MTUS2: variants seen among roughly 807,000 people sequenced by gnomAD.
MTUS2 encodes the protein microtubule associated scaffold protein 2.
MTUS2 carries 40 observed loss-of-function variants against 114.1 expected under a neutral mutation model. The ratio of observed to expected loss-of-function variants is 0.35; its 90% CI spans 0.27 to 0.46. MTUS2 has a LOEUF of 0.46. MTUS2 is among the 20% of genes least tolerant of loss of function. The pLI is 1.00. For synonymous variants in MTUS2, 688 were observed against 672.0 expected, an observed-to-expected ratio of 1.02 and a Z score of -0.37; for missense variants, 1,679 against 1,705.4, an observed-to-expected ratio of 0.98 and a Z score of 0.27.
chr13:29,286,790 A>C (rs181916886), intron 6 of MTUS2, among the ~76,000 whole-genome samples: 6 of 152,214 alleles, frequency 3.9e-5, no homozygotes, highest in African/African-American at 9.6e-5. Context: ...TCCTAGGTTC[A>C]AGTGATTCTC....
intron 4 of MTUS2, among the ~76,000 whole-genome samples, chr13:29,039,321 G>A (rs1887235663): frequency 6.6e-6 from 1 of 152,242 alleles, no homozygotes; most frequent in Non-Finnish European, 1.5e-5. Context: ...CGAAGTCTGC[G>A]GCTGGGGCCA....
At chr13:29,311,183 C>T (rs1268245464) in intron 6 of MTUS2, among the ~76,000 whole-genome samples, 1 of 152,186 alleles carries the variant, frequency 6.6e-6, no homozygotes, top group Non-Finnish European at 1.5e-5. Flanking sequence ...GATATTGTTA[C>T]CGCCACAGGT....
chr13:28,844,435 G>A (rs1028068096), intron 2 of MTUS2, among the ~76,000 whole-genome samples: 7 of 152,110 alleles, frequency 4.6e-5, no homozygotes, highest in Non-Finnish European at 8.8e-5. Context: ...GTGCGTGTGT[G>A]TGTATTTAAT....
At chr13:29,234,974 A>T (rs1198885960) in intron 5 of MTUS2, among the ~76,000 whole-genome samples, 2 of 152,174 alleles carry the variant, frequency 1.3e-5, no homozygotes, top group Non-Finnish European at 2.9e-5. Flanking sequence ...TCAAGCTGTC[A>T]GTTGATCATT....
chr13:29,441,434 T>C (rs1227289370), intron 9 of MTUS2, among the ~76,000 whole-genome samples: 3 of 152,154 alleles, frequency 2.0e-5, no homozygotes, highest in Non-Finnish European at 2.9e-5. Flanking sequence ...TTGAGCCTAA[T>C]TTCTATTTGT....
intron 6 of MTUS2, among the ~76,000 whole-genome samples, chr13:29,306,108 C>T (rs544498879): frequency 3.7e-4 from 57 of 152,264 alleles, no homozygotes; most frequent in African/African-American, 1.0e-3. Context: ...TAAAAACTCT[C>T]GATAAACTAG....
At chr13:29,101,700 G>T (rs1890426675) in intron 5 of MTUS2, among the ~76,000 whole-genome samples, 1 of 152,214 alleles carries the variant, frequency 6.6e-6, no homozygotes, top group African/African-American at 2.4e-5. Context: ...TGACATCTCA[G>T]ATGTTGTTTT....
At chr13:29,391,931 T>A (rs1238966631) in intron 8 of MTUS2, among the ~76,000 whole-genome samples, 1 of 151,852 alleles carries the variant, frequency 6.6e-6, no homozygotes, top group Non-Finnish European at 1.5e-5. Context: ...GGTCAGGAAT[T>A]TGAGACCAGC....
Position 29,505,475 on chromosome 13 carries a change from T to A in MTUS2, c.*2269T>A. 4.3e-6 allele frequency: 1 copy of A among 230,872 alleles called. No homozygotes were observed. The highest frequency in any genetic ancestry group is 8.6e-6 in the Non-Finnish European group (1 of 116,394). 14.3% of individuals were successfully genotyped at this position (230,872 alleles called of 1,614,324 possible). ...TCGTGGTTTGTTTGTTTTTTTTCTT[T>A]TGTTACGGACACCCATCATGTATGG... On this transcript the variant is annotated 3_prime_UTR_variant, in exon 16 of 16. Coordinates refer to ENST00000612955, the MANE Select transcript of MTUS2 (RefSeq NM_001033602.4).
intron 5 of MTUS2, among the ~76,000 whole-genome samples, chr13:29,236,583 T>G (rs976613809): frequency 6.6e-6 from 1 of 152,216 alleles, no homozygotes; most frequent in African/African-American, 2.4e-5. Context: ...CCAAATCCAA[T>G]TCAGTATTAG....
chr13:28,998,270 C>T (rs113274312), intron 2 of MTUS2, among the ~76,000 whole-genome samples: 15 of 152,176 alleles, frequency 9.9e-5, no homozygotes, highest in African/African-American at 3.1e-4. Context: ...GCTGTTAGTC[C>T]GATGGGCTTC....
intron 6 of MTUS2, among the ~76,000 whole-genome samples, chr13:29,283,956 A>AT (rs1898375340): frequency 6.6e-6 from 1 of 152,182 alleles, no homozygotes; most frequent in Non-Finnish European, 1.5e-5. Context: ...ATTCTCATAC[A>AT]TTTTTGGTGG....
intron 2 of MTUS2, among the ~76,000 whole-genome samples, chr13:29,022,958 T>C (rs1332710146): frequency 6.6e-6 from 1 of 152,230 alleles, no homozygotes; most frequent in Non-Finnish European, 1.5e-5. Flanking sequence ...TGCCAGGTAT[T>C]AGACAATATT....
intron 6 of MTUS2, among the ~76,000 whole-genome samples, chr13:29,293,681 T>G (rs1422543046): frequency 6.6e-6 from 1 of 152,098 alleles, no homozygotes; most frequent in Non-Finnish European, 1.5e-5. Context: ...GGAAACAATC[T>G]AAATATCTGT....
intron 2 of MTUS2, among the ~76,000 whole-genome samples, chr13:29,024,090 C>T (rs900598704): frequency 2.5e-4 from 38 of 152,140 alleles, no homozygotes; most frequent in Non-Finnish European, 4.4e-4. Context: ...ATGAATGTAG[C>T]GATTGCAAAA....
intron 9 of MTUS2, among the ~76,000 whole-genome samples, chr13:29,467,733 A>G (rs1432973119): frequency 6.6e-6 from 1 of 152,202 alleles, no homozygotes; most frequent in South Asian, 2.1e-4. Flanking sequence ...CTCCTCTCAG[A>G]CCAAGAAGGT....
intron 5 of MTUS2, among the ~76,000 whole-genome samples, chr13:29,103,800 C>A (rs1420925123): frequency 1.3e-5 from 2 of 152,192 alleles, no homozygotes; most frequent in Non-Finnish European, 2.9e-5. Flanking sequence ...TTATGTGGTG[C>A]ATATGGTATT....
intron 2 of MTUS2, among the ~76,000 whole-genome samples, chr13:28,844,093 G>T (rs1187870894): frequency 6.6e-6 from 1 of 152,154 alleles, no homozygotes; most frequent in African/African-American, 2.4e-5. Context: ...TTGCTTCAAT[G>T]TGCACATTCT....
intron 2 of MTUS2, among the ~76,000 whole-genome samples, chr13:28,953,691 A>G (rs1882921019): frequency 6.6e-6 from 1 of 152,210 alleles, no homozygotes; most frequent in Admixed American, 6.5e-5. Flanking sequence ...TAAGCTCTCC[A>G]TGCATTCCTA....
Sources: allele counts gnomAD v4.1 joint callset (sites outside exome capture counted in the v4.1 genomes callset), GRCh38; gene constraint gnomAD v4.1.1; transcripts MANE v1.5; gene names NCBI Gene and HGNC (gene_info 2026-07-23, HGNC 2026-07-21).